Variants in ADAR observed in about 807,000 individuals in gnomAD.
ADAR encodes adenosine deaminase RNA specific, also known as double-stranded RNA-specific adenosine deaminase.
In ADAR, 41 loss-of-function variants were observed where a neutral mutation model predicts 113.2. That is an observed-to-expected ratio of 0.36 (90% CI 0.28 to 0.47). ADAR has a LOEUF of 0.47. Ranked by LOEUF, ADAR falls within the 20% of genes least tolerant of loss-of-function variation. The pLI, the probability that ADAR is intolerant of heterozygous loss-of-function variation, is 1.00. For synonymous variants in ADAR, 605 were observed against 572.6 expected (o/e 1.06, Z -0.81); for missense variants, 1,242 against 1,540.9 (o/e 0.81, Z 3.25).
chr1:154,624,694 A>G (rs994759575), intron 1 of ADAR, among the ~76,000 whole-genome samples: 1 of 152,238 alleles, frequency 6.6e-6, no homozygotes, highest in Non-Finnish European at 1.5e-5. Flanking sequence ...GATGTCAAAC[A>G]ATCATCCAGT....
At chr1:154,589,994 G>A in intron 7 of ADAR, 66 bp from the exon 8 acceptor site, 1 of 1,593,516 alleles carries the variant, frequency 6.3e-7, no homozygotes, top group Non-Finnish European at 8.6e-7. Context: ...TTCACCGTGG[G>A]CAGGGAGATC....
chr1:154,608,584 C>G (rs1229142237), upstream of ADAR, among the ~76,000 whole-genome samples: 1 of 147,632 alleles, frequency 6.8e-6, no homozygotes. Flanking sequence ...TCAAGAGATC[C>G]GCCCACCTCG....
At position 154,585,035 on chromosome 1, in the gene ADAR, T is replaced by C. The variant is rs1696656535; in HGVS notation, c.3452A>G (p.Asn1151Ser). The change falls in exon 15 of 15, where the codon AAT becomes AGT. Residue 1151 changes from asparagine to serine, a missense_variant. By Grantham distance (46) the Asn-to-Ser change is conservative (BLOSUM62 1). This residue lies in a region of ADAR where 780 missense variants were observed against 1,057.9 expected (regional missense o/e 0.74). Coordinates refer to ENST00000368474, the MANE Select transcript of ADAR (RefSeq NM_001111.5). The part of the protein sequence containing the change: ...GTRGTVDGPR[N>S]ELSRVSKKNI... ...CTTTTTGGAGACCCGGGACAATTCA[T>C]TCCGTGGCCTAGAGAAACAAAAGCA... 4.3e-6 allele frequency: 7 copies of C among 1,613,882 alleles called. No individual in the cohort carries two copies. The highest frequency in any genetic ancestry group is 5.9e-6 in the Non-Finnish European group (7 of 1,179,972).
At chr1:154,593,157 CAGAAAAGA>C (rs1170210983) in intron 6 of ADAR, among the ~76,000 whole-genome samples, 1 of 69,216 alleles carries the variant, frequency 1.4e-5, no homozygotes, top group African/African-American at 4.7e-5. Context: ...AAAAAAAAAA[CAGAAAAGA>C]AGTCATAAAA....
At chr1:154,606,425 T>C (rs1450227254) in intron 1 of ADAR, among the ~76,000 whole-genome samples, 2 of 152,078 alleles carry the variant, frequency 1.3e-5, no homozygotes, top group Non-Finnish European at 2.9e-5. Flanking sequence ...CAACAAAAAG[T>C]TGTAGAATAG....
At chr1:154,585,454 C>A in intron 13 of ADAR, 110 bp from the exon 14 acceptor site, 1 of 1,524,370 alleles carries the variant, frequency 6.6e-7, no homozygotes, top group South Asian at 1.1e-5. Context: ...CATGATCTTT[C>A]CCCTGTATTT....
chr1:154,601,212 A>G lies in ADAR; in HGVS notation c.1430T>C (p.Met477Thr). ...ATGACTGTAGAAGGAGGGCATCTCC[A>G]TGATGGCTCGAAACTCACCTGGTGC... ...RAAPGEFRAI[M>T]EMPSFYSHGL... Residue 477 changes from methionine (M) to threonine (T), a missense_variant, in exon 2 of 15, where the codon ATG becomes ACG. Physicochemically the swap from Met to Thr is moderately conservative, Grantham distance 81 (BLOSUM62 -1). Transcript: ENST00000368474. This position sits in a 1 kb window ranked among gnomAD's most constrained non-coding sequence, Gnocchi z 4.7. 1 of 1,614,232 alleles carries G rather than the reference A, an allele frequency of 6.2e-7. No individual in the cohort carries two copies. Among genetic ancestry groups the G allele is most frequent in the Non-Finnish European group, 8.5e-7 (1 of 1,180,024 alleles).
At chr1:154,616,027 G>A (rs578057299) in intron 1 of ADAR, among the ~76,000 whole-genome samples, 1 of 152,184 alleles carries the variant, frequency 6.6e-6, no homozygotes, top group African/African-American at 2.4e-5. Flanking sequence ...ATCTGATCAT[G>A]TCATGCATGG....
At position 154,601,041 on chromosome 1, in the gene ADAR, C is replaced by T. The variant is rs748550202; in HGVS notation, c.1601G>A (p.Arg534Gln). Residue 534 changes from arginine to glutamine, a missense_variant and splice_region_variant, in exon 2 of 15, where the codon CGA (arginine) becomes CAA (glutamine). Transcript: ENST00000368474. The surrounding 1 kb of genome is among the most constrained non-coding windows in gnomAD (Gnocchi z 4.7). ...GTACAGTTCCTGGGTGGTCTCTTAC[C>T]GAGGTTCATGGGGTGGTCCACTCTG... ...IEQSGPPHEPRFKFQVVINGR... is the reference protein window; with the variant it reads ...IEQSGPPHEPQFKFQVVINGR... 3.1e-6 allele frequency: 5 copies of T among 1,614,082 alleles called. No homozygotes were observed. Among genetic ancestry groups the T allele is most frequent in the Admixed American group, 1.7e-5 (1 of 60,024 alleles).
chr1:154,600,592 GCTTCC>G, intron 2 of ADAR: 1 of 221,548 alleles, frequency 4.5e-6, no homozygotes. Flanking sequence ...TCCTGTCTCA[GCTTCC>G]TGAGTAGCTG....
At chr1:154,612,131 A>C (rs1219945754), upstream of ADAR, among the ~76,000 whole-genome samples, 1 of 152,108 alleles carries the variant, frequency 6.6e-6, no homozygotes, top group Non-Finnish European at 1.5e-5. Context: ...ATTTCCTATA[A>C]CCAGACTTTA....
At chr1:154,614,024 AGT>A (rs1222972656) in intron 1 of ADAR, among the ~76,000 whole-genome samples, 9 of 152,292 alleles carry the variant, frequency 5.9e-5, no homozygotes, top group African/African-American at 1.9e-4. Flanking sequence ...AAAGAAAAAA[AGT>A]GGTATTTATC....
chr1:154,601,532 G>A lies in ADAR; in HGVS notation c.1110C>T (p.Asn370=), dbSNP rs1222101959. 1 of 1,613,280 alleles carries A rather than the reference G, an allele frequency of 6.2e-7. No homozygotes were observed. Among genetic ancestry groups the A allele is most frequent in the Non-Finnish European group, 8.5e-7 (1 of 1,180,042 alleles). ...RERMQIKRNT[N]SVPETAPAAI... ...CAGCTGGAGCGGTTTCAGGAACACT[G>A]TTCGTATTTCTCTTGATTTGCATCC... Residue 370 remains asparagine (N), a synonymous_variant, in exon 2 of 15, where the codon AAC becomes AAT. Coordinates refer to ENST00000368474, the MANE Select transcript of ADAR (RefSeq NM_001111.5). This position sits in a 1 kb window ranked among gnomAD's most constrained non-coding sequence, Gnocchi z 4.7.
chr1:154,613,483 C>T (rs1698547641), intron 1 of ADAR, among the ~76,000 whole-genome samples: 1 of 151,838 alleles, frequency 6.6e-6, no homozygotes, highest in African/African-American at 2.4e-5. Flanking sequence ...TGGGGTCTCA[C>T]CATGTTGGCC....
chr1:154,622,346 A>G (rs535352816), intron 1 of ADAR, among the ~76,000 whole-genome samples: 1 of 152,292 alleles, frequency 6.6e-6, no homozygotes, highest in Admixed American at 6.5e-5. Context: ...GATGGACTAG[A>G]TGCAGAGTAG....
At chr1:154,591,027 A>AAC (rs1216365718) in intron 6 of ADAR, among the ~76,000 whole-genome samples, 2 of 152,182 alleles carry the variant, frequency 1.3e-5, no homozygotes, top group Admixed American at 1.3e-4. Flanking sequence ...TAAAAATGTA[A>AAC]ACACACTGAA....
At chr1:154,590,135 A>AGGCGGG in intron 7 of ADAR, 49 bp downstream of exon 7, 24 of 1,204,858 alleles carry the variant, frequency 2.0e-5, no homozygotes, top group Non-Finnish European at 2.5e-5. Context: ...CTTAGGAGTT[A>AGGCGGG]GGAGGACCCC....
intron 1 of ADAR, among the ~76,000 whole-genome samples, chr1:154,603,689 G>A (rs1557891380): frequency 6.6e-6 from 1 of 152,140 alleles, no homozygotes; most frequent in Non-Finnish European, 1.5e-5. Context: ...TCACTGGAGG[G>A]TGATGGAGCC....
At chr1:154,599,752 C>T (rs903323) in intron 2 of ADAR, among the ~76,000 whole-genome samples, 58,345 of 152,162 alleles carry the variant, frequency 0.38, 12,944 homozygotes, top group East Asian at 0.54. Context: ...CTCAATCTGT[C>T]CACTGGCCTA....
Sources: gnomAD v4.1 joint callset for allele counts (sites outside exome capture counted in the v4.1 genomes callset) on GRCh38, gnomAD v4.1.1 for gene constraint, gnomAD v4.1.1 regional missense constraint, Gnocchi (gnomAD v3.1) non-coding constraint, MANE v1.5 for transcripts, NCBI Gene and HGNC (gene_info 2026-07-23, HGNC 2026-07-21) for gene names.